Variants in FHIT observed in about 807,000 individuals in gnomAD.
FHIT encodes the protein fragile histidine triad diadenosine triphosphatase, also known as bis(5'-adenosyl)-triphosphatase.
A neutral mutation model predicts 17.9 loss-of-function variants in FHIT; 19 were observed. That is an observed-to-expected ratio of 1.06 (90% CI 0.74 to 1.56). The LOEUF (loss-of-function observed/expected upper bound fraction) is 1.56. Among genes scored for constraint, FHIT ranks in the 40% most tolerant of loss-of-function variants. The pLI is 0.00. For synonymous variants in FHIT, 81 were observed against 69.7 expected (o/e 1.16, Z -0.81); for missense variants, 248 against 189.2 (o/e 1.31, Z -1.82).
At chr3:59,896,602 G>A (rs1704084457) in intron 8 of FHIT, among the ~76,000 whole-genome samples, 1 of 151,978 alleles carries the variant, frequency 6.6e-6, no homozygotes, top group South Asian at 2.1e-4. Flanking sequence ...TCTGTTACAA[G>A]CAAAGAGACA....
chr3:60,750,147 T>C (rs115175919), intron 4 of FHIT, among the ~76,000 whole-genome samples: 1 of 151,906 alleles, frequency 6.6e-6, no homozygotes, highest in Non-Finnish European at 1.5e-5. Context: ...TGGAGGGCAA[T>C]GGAGGAAGAG....
At chr3:59,805,853 T>C (rs1438198732) in intron 8 of FHIT, among the ~76,000 whole-genome samples, 1 of 152,174 alleles carries the variant, frequency 6.6e-6, no homozygotes, top group Non-Finnish European at 1.5e-5. Context: ...CTGTAGACAC[T>C]ACTTCTCTCC....
At chr3:61,213,341 G>C (rs2039553711) in intron 1 of FHIT, among the ~76,000 whole-genome samples, 1 of 152,072 alleles carries the variant, frequency 6.6e-6, no homozygotes, top group African/African-American at 2.4e-5. Context: ...ACAAAAAAAG[G>C]CAGGGGTTGC....
intron 2 of FHIT, among the ~76,000 whole-genome samples, chr3:61,128,402 A>G (rs1330592866): frequency 1.3e-5 from 2 of 152,224 alleles, no homozygotes; most frequent in Non-Finnish European, 2.9e-5. Flanking sequence ...GTCAAATTAT[A>G]TAACTTAGAA....
chr3:59,865,843 G>A (rs1702621942), intron 8 of FHIT, among the ~76,000 whole-genome samples: 1 of 152,166 alleles, frequency 6.6e-6, no homozygotes, highest in African/African-American at 2.4e-5. Flanking sequence ...ATCAAATTCA[G>A]AGTGGGGAGT....
At chr3:60,235,449 C>T (rs1318521674) in intron 5 of FHIT, among the ~76,000 whole-genome samples, 1 of 152,076 alleles carries the variant, frequency 6.6e-6, no homozygotes, top group Non-Finnish European at 1.5e-5. Context: ...CCAGGCTGGT[C>T]TCGAACTCCT....
At chr3:60,989,038 G>A (rs557525790) in intron 3 of FHIT, among the ~76,000 whole-genome samples, 1 of 146,866 alleles carries the variant, frequency 6.8e-6, no homozygotes, top group Non-Finnish European at 1.5e-5. Flanking sequence ...TTTGGTTTAT[G>A]GATACACCTA....
intron 3 of FHIT, among the ~76,000 whole-genome samples, chr3:60,883,962 A>G (rs1705091063): frequency 1.3e-5 from 2 of 152,232 alleles, no homozygotes; most frequent in African/African-American, 4.8e-5. Context: ...CAAACTATCC[A>G]TTTGACAAGG....
At chr3:61,016,816 G>C (rs1234598928) in intron 3 of FHIT, among the ~76,000 whole-genome samples, 1 of 152,184 alleles carries the variant, frequency 6.6e-6, no homozygotes, top group Non-Finnish European at 1.5e-5. Context: ...GAAGCATACA[G>C]GCAATTTACA....
intron 2 of FHIT, among the ~76,000 whole-genome samples, chr3:61,044,883 A>G (rs1046537196): frequency 5.9e-5 from 9 of 152,188 alleles, no homozygotes; most frequent in African/African-American, 2.2e-4. Flanking sequence ...AGCCAAACTA[A>G]TCTTCACAAG....
At chr3:61,066,705 G>T (rs1329318857) in intron 2 of FHIT, among the ~76,000 whole-genome samples, 5 of 152,198 alleles carry the variant, frequency 3.3e-5, no homozygotes, top group African/African-American at 1.2e-4. Flanking sequence ...GGAGGAAGCT[G>T]TAATGCATCT....
At chr3:59,787,995 G>GC (rs1022198411) in intron 8 of FHIT, among the ~76,000 whole-genome samples, 4 of 152,172 alleles carry the variant, frequency 2.6e-5, no homozygotes, top group Non-Finnish European at 5.9e-5. Flanking sequence ...TCTAGGAAGT[G>GC]CCCTCCTTTA....
chr3:60,646,279 TTA>T (rs145534267), intron 4 of FHIT, among the ~76,000 whole-genome samples: 1 of 151,826 alleles, frequency 6.6e-6, no homozygotes, highest in Non-Finnish European at 1.5e-5. Flanking sequence ...AAAAAATTAC[TTA>T]TATATATATA....
rs538351604 is a variant in FHIT, at chr3:60,506,280, G to C, written c.103+30580C>G. ...TGAGGGTGGAGGGTAGGTGGGAAGG[G>C]ATGGATGTATTCCATAGGATCTGTA... On this transcript the variant is annotated intron_variant, in intron 5 of 9. Coordinates refer to ENST00000492590, the MANE Select transcript of FHIT (RefSeq NM_002012.4). Among the ~76,000 whole-genome samples the C allele has an allele frequency of 5.9e-5, 9 of 152,276 alleles. No individual in the cohort carries two copies. The East Asian group carries it at 1.7e-3, about 29-fold the overall frequency.
chr3:60,538,325 G>A (rs887267817), intron 4 of FHIT, among the ~76,000 whole-genome samples: 2 of 152,184 alleles, frequency 1.3e-5, no homozygotes, highest in African/African-American at 4.8e-5. Context: ...CTATGCTCAT[G>A]GATAGGAAGA....
intron 4 of FHIT, among the ~76,000 whole-genome samples, chr3:60,569,753 ATATT>A (rs1268424905): frequency 8.7e-5 from 5 of 57,246 alleles, no homozygotes; most frequent in African/African-American, 3.5e-4. Context: ...ATATATATAT[ATATT>A]TTTTTTTTTT....
At chr3:61,140,023 A>G (rs1483215052) in intron 2 of FHIT, among the ~76,000 whole-genome samples, 1 of 73,130 alleles carries the variant, frequency 1.4e-5, no homozygotes, top group Non-Finnish European at 2.7e-5. Context: ...AAGAGAAAGC[A>G]AAAAAAAAAA....
In FHIT at chr3:60,441,005, A is replaced by G. The variant is rs2030747479; in HGVS notation, c.103+95855T>C. On this transcript the variant is annotated intron_variant, in intron 5 of 9. Transcript: ENST00000492590. ...TGTGATATAATAACAAGTTAAAAAGAGTCATCCTTTCTTGGAAATCAGCAT... is the reference window on the plus strand; with the variant it reads ...TGTGATATAATAACAAGTTAAAAAGGGTCATCCTTTCTTGGAAATCAGCAT... 2.6e-5 allele frequency among the ~76,000 whole-genome samples: 4 copies of G among 152,288 alleles called. No individual in the cohort carries two copies. In the South Asian group the frequency reaches 8.3e-4, roughly 32 times the overall value.
Position 59,922,418 on chromosome 3 carries a change from A to C in FHIT, c.280-4T>G, listed in dbSNP as rs139305335. ...GAAGAACATGGACGTGAACGTGCTG[A>C]AAATGTACAAGAAAGAAAAAAAATG... is the stretch of plus-strand genomic sequence containing the variant. On this transcript the variant is annotated splice_region_variant and splice_polypyrimidine_tract_variant and intron_variant, in intron 7 of 9. Transcript: ENST00000492590. 1 of 1,612,486 alleles carries C rather than the reference A, an allele frequency of 6.2e-7. No homozygotes were observed. The highest frequency in any genetic ancestry group is 1.3e-5 in the African/African-American group (1 of 74,978).
Sources: allele counts gnomAD v4.1 joint callset (sites outside exome capture counted in the v4.1 genomes callset), GRCh38; gene constraint gnomAD v4.1.1; transcripts MANE v1.5; gene names NCBI Gene and HGNC (gene_info 2026-07-23, HGNC 2026-07-21).